USP24: variants seen among roughly 807,000 people sequenced by gnomAD.
USP24 encodes the protein ubiquitin carboxyl-terminal hydrolase 24.
Under a neutral mutation model 361.6 loss-of-function variants are expected in USP24, and 97 were observed. The observed-to-expected ratio is 0.27, with a 90% CI of 0.23 to 0.32. The LOEUF (loss-of-function observed/expected upper bound fraction) is 0.32. Ranked by LOEUF, USP24 falls within the 10% of genes least tolerant of loss-of-function variation. The pLI is 1.00. For missense variants in USP24, 2,353 were observed against 3,165.6 expected, an observed-to-expected ratio of 0.74 and a Z score of 6.16; for synonymous variants, 1,098 against 1,124.6, an observed-to-expected ratio of 0.98 and a Z score of 0.47.
At chr1:55,138,397 G>C (rs1306338040) in intron 26 of USP24, among the ~76,000 whole-genome samples, 1 of 151,704 alleles carries the variant, frequency 6.6e-6, no homozygotes, top group Non-Finnish European at 1.5e-5. Context: ...ACTCTTATTT[G>C]TTCTTTACAA....
In USP24 at chr1:55,101,716, G is replaced by C; in HGVS notation, c.5026-13C>G. ...CTGGGGGAAGGTACTGGAAAAGAGA[G>C]GAATAGAAACAGCAGAGGAGAAGAA... On this transcript the variant is annotated splice_polypyrimidine_tract_variant and intron_variant, in intron 42 of 67. Transcript: ENST00000294383. The C allele has an allele frequency of 1.9e-6, 3 of 1,592,222 alleles. No individual in the cohort carries two copies. Among genetic ancestry groups the C allele is most frequent in the Middle Eastern group, 1.7e-4 (1 of 5,944 alleles).
At chr1:55,204,479 G>GA (rs1460759319) in intron 1 of USP24, among the ~76,000 whole-genome samples, 7 of 151,940 alleles carry the variant, frequency 4.6e-5, no homozygotes, top group Non-Finnish European at 1.0e-4. Context: ...AATACTGCTT[G>GA]AAAAAAATAT....
chr1:55,191,184 T>C (rs961331103), intron 1 of USP24, among the ~76,000 whole-genome samples: 1 of 152,178 alleles, frequency 6.6e-6, no homozygotes, highest in African/African-American at 2.4e-5. Flanking sequence ...TCAAGAAAAA[T>C]AATACAGATG....
At chr1:55,177,130 C>CA (rs917662842) in intron 2 of USP24, among the ~76,000 whole-genome samples, 1 of 151,118 alleles carries the variant, frequency 6.6e-6, no homozygotes, top group African/African-American at 2.4e-5. Flanking sequence ...AAACAAAAAC[C>CA]AAAAAACCAC....
At chr1:55,137,428 C>G in intron 28 of USP24, 87 bp downstream of exon 28, 1 of 1,415,192 alleles carries the variant, frequency 7.1e-7, no homozygotes, top group South Asian at 1.5e-5. Flanking sequence ...TGAATCCCAG[C>G]ATTTGTTATA....
Position 55,107,865 on chromosome 1 carries a change from A to C in USP24, c.4571-435T>G, listed in dbSNP as rs199813833. Among the ~76,000 whole-genome samples, 254 of 147,140 alleles carry C rather than the reference A, an allele frequency of 1.7e-3. 1 individual carries two copies. The highest frequency in any genetic ancestry group is 6.2e-3 in the African/African-American group (242 of 38,748). ...TCAAAAAAAAAAAAAAAAAAAAAAA[A>C]ACACACAAAAACCCCACAAAACTGT... On this transcript the variant is annotated intron_variant, in intron 39 of 67. Coordinates refer to ENST00000294383, the MANE Select transcript of USP24 (RefSeq NM_015306.3).
chr1:55,177,670 A>G (rs1650129811), intron 2 of USP24, among the ~76,000 whole-genome samples: 1 of 152,260 alleles, frequency 6.6e-6, no homozygotes, highest in Non-Finnish European at 1.5e-5. Flanking sequence ...TCTCTTAAAA[A>G]AAAAGCTGTT....
At chr1:55,118,282 A>C (rs1229430617) in intron 38 of USP24, among the ~76,000 whole-genome samples, 1 of 152,212 alleles carries the variant, frequency 6.6e-6, no homozygotes, top group Non-Finnish European at 1.5e-5. Context: ...ATACAGACCA[A>C]TGCAATAGAA....
chr1:55,184,875 G>A (rs1375225658), intron 1 of USP24, among the ~76,000 whole-genome samples: 3 of 152,112 alleles, frequency 2.0e-5, no homozygotes, highest in Admixed American at 2.0e-4. Context: ...GCTTTGAGAC[G>A]AATGAAAATT....
At chr1:55,169,062 T>C (rs1213391441) in intron 5 of USP24, among the ~76,000 whole-genome samples, 1 of 152,048 alleles carries the variant, frequency 6.6e-6, no homozygotes, top group Non-Finnish European at 1.5e-5. Context: ...GAATATAAAG[T>C]AAGCATTAAA....
chr1:55,195,736 T>G (rs1281606351), intron 1 of USP24, among the ~76,000 whole-genome samples: 1 of 152,118 alleles, frequency 6.6e-6, no homozygotes, highest in Non-Finnish European at 1.5e-5. Context: ...ATGAGGTATC[T>G]GAAGTATTGA....
chr1:55,124,448 C>G (rs1570468793), intron 35 of USP24, 21 bp downstream of exon 35: 2 of 1,600,458 alleles, frequency 1.2e-6, no homozygotes, highest in African/African-American at 2.7e-5. Context: ...GTTCTCATTA[C>G]TGTCTCTTTT....
At chr1:55,193,303 T>C (rs1265643691) in intron 1 of USP24, among the ~76,000 whole-genome samples, 1 of 152,076 alleles carries the variant, frequency 6.6e-6, no homozygotes, top group African/African-American at 2.4e-5. Flanking sequence ...GGAGGGCAGG[T>C]GGATACAGAT....
Position 55,095,315 on chromosome 1 carries a change from G to T in USP24, c.6143C>A (p.Pro2048Gln), listed in dbSNP as rs1456018109. ...FYQRVSDQNS[P>Q]VLPKKSRVSV... ...GACTCGACTTTTCTTTGGTAATACT[G>T]GGGAGTTCTGATCAGACACCCTTTG... The change falls in exon 51 of 68, where the codon CCA (proline) becomes CAA (glutamine). Residue 2048 changes from proline to glutamine, a missense_variant. Transcript: ENST00000294383. 6.2e-7 allele frequency: 1 copy of T among 1,613,578 alleles called. No individual in the cohort carries two copies. Among genetic ancestry groups the T allele is most frequent in the Non-Finnish European group, 8.5e-7 (1 of 1,179,742 alleles).
chr1:55,178,219 G>C, intron 1 of USP24, 87 bp from the exon 2 acceptor site: 1 of 1,371,158 alleles, frequency 7.3e-7, no homozygotes, highest in Non-Finnish European at 1.0e-6. Context: ...AGCAGATACT[G>C]AATCAATGGT....
chr1:55,099,636 T>C, intron 45 of USP24, 135 bp downstream of exon 45: 3 of 670,306 alleles, frequency 4.5e-6, no homozygotes, highest in East Asian at 5.5e-5. Flanking sequence ...AAACACAGAA[T>C]ACATTATAGT....
intron 38 of USP24, among the ~76,000 whole-genome samples, chr1:55,115,494 T>TAAAAAAAAA (rs1419779121): frequency 6.1e-4 from 1 of 1,636 alleles, no homozygotes; most frequent in Non-Finnish European, 8.5e-3. Context: ...AGACTCCGCC[T>TAAAAAAAAA]CAAAAAAAAA....
chr1:55,121,411 TGTAA>T, intron 37 of USP24, 21 bp downstream of exon 37: 2 of 1,605,002 alleles, frequency 1.2e-6, no homozygotes, highest in Non-Finnish European at 1.7e-6. Context: ...AAAGGAGTTT[TGTAA>T]GTAATGTGAA....
At chr1:55,206,686 C>A (rs1644715311) in intron 1 of USP24, among the ~76,000 whole-genome samples, 2 of 141,662 alleles carry the variant, frequency 1.4e-5, no homozygotes, top group African/African-American at 2.6e-5. Flanking sequence ...GTCGGGGGGG[C>A]ATGAGCCAAA....
Sources: gnomAD v4.1 joint callset for allele counts (sites outside exome capture counted in the v4.1 genomes callset) on GRCh38, gnomAD v4.1.1 for gene constraint, MANE v1.5 for transcripts, NCBI Gene and HGNC (gene_info 2026-07-23, HGNC 2026-07-21) for gene names.